Variants in FGFR1OP2 observed in about 807,000 individuals in gnomAD.
The protein encoded by FGFR1OP2 is fibroblast growth factor receptor 1 oncogene partner 2.
FGFR1OP2 carries 17 observed loss-of-function variants against 35.2 expected under a neutral mutation model. That is an observed-to-expected ratio of 0.48 (90% CI 0.33 to 0.73). FGFR1OP2 has a LOEUF of 0.73. Ranked by LOEUF, FGFR1OP2 falls within the 30% of genes least tolerant of loss-of-function variation. FGFR1OP2 has a pLI of 0.02. For synonymous variants in FGFR1OP2, 105 were observed against 104.6 expected, an observed-to-expected ratio of 1.00 and a Z score of -0.03; for missense variants, 251 against 307.3, an observed-to-expected ratio of 0.82 and a Z score of 1.37.
chr12:26,951,708 G>C (rs1367406924), intron 1 of FGFR1OP2, among the ~76,000 whole-genome samples: 1 of 152,132 alleles, frequency 6.6e-6, no homozygotes. Context: ...TACTCAAAAA[G>C]ATTTATGATT....
At chr12:26,941,396 T>G (rs1183031103) in intron 1 of FGFR1OP2, among the ~76,000 whole-genome samples, 2 of 152,236 alleles carry the variant, frequency 1.3e-5, no homozygotes, top group Non-Finnish European at 2.9e-5. Context: ...TTTAAACTTT[T>G]GTGTGTGTGG....
At chr12:26,960,225 A>G (rs1206580680) in intron 4 of FGFR1OP2, among the ~76,000 whole-genome samples, 1 of 151,902 alleles carries the variant, frequency 6.6e-6, no homozygotes, top group Non-Finnish European at 1.5e-5. Flanking sequence ...AGAGTTACAC[A>G]TAACAGCATT....
intron 1 of FGFR1OP2, among the ~76,000 whole-genome samples, chr12:26,949,870 G>T (rs978866128): frequency 5.9e-5 from 9 of 152,040 alleles, no homozygotes; most frequent in Admixed American, 5.9e-4. Context: ...GTGAGCCACC[G>T]TGCCTGGCCC....
chr12:26,963,587 G>A, intron 6 of FGFR1OP2, 132 bp downstream of exon 6: 1 of 552,660 alleles, frequency 1.8e-6, no homozygotes, highest in Non-Finnish European at 3.1e-6. Context: ...CTGTCTATGT[G>A]GGCATATTAT....
In FGFR1OP2 at chr12:26,966,357, A is replaced by G. The variant is rs1413496613; in HGVS notation, c.*1624A>G. ...ATAAAGGAAATCTATTTCAAGCTAC[A>G]CCATTGAGATTAAGTCTGAGGCAGT... On this transcript the variant is annotated 3_prime_UTR_variant, in exon 7 of 7. Transcript: ENST00000229395. 1 of 152,130 alleles carries G rather than the reference A, an allele frequency of 6.6e-6. No individual in the cohort carries two copies. The highest frequency in any genetic ancestry group is 6.5e-5 in the Admixed American group (1 of 15,272). 9.4% of individuals were successfully genotyped at this position (152,130 alleles called of 1,614,324 possible).
At chr12:26,942,548 T>C (rs1938753322) in intron 1 of FGFR1OP2, among the ~76,000 whole-genome samples, 1 of 152,156 alleles carries the variant, frequency 6.6e-6, no homozygotes, top group South Asian at 2.1e-4. Flanking sequence ...GGCAAATAGG[T>C]GAAGCAATTT....
intron 4 of FGFR1OP2, among the ~76,000 whole-genome samples, chr12:26,959,021 A>G (rs1939064636): frequency 6.6e-6 from 1 of 152,108 alleles, no homozygotes; most frequent in East Asian, 1.9e-4. Flanking sequence ...TAGATTCTTT[A>G]AAATACTTCT....
At chr12:26,952,962 T>C (rs1035521965) in intron 1 of FGFR1OP2, among the ~76,000 whole-genome samples, 6 of 152,134 alleles carry the variant, frequency 3.9e-5, no homozygotes, top group Admixed American at 3.9e-4. Flanking sequence ...TAAAACTTAG[T>C]AGAAAGATAA....
At chr12:26,952,977 T>C (rs1037820603) in intron 1 of FGFR1OP2, among the ~76,000 whole-genome samples, 15 of 152,014 alleles carry the variant, frequency 9.9e-5, no homozygotes, top group East Asian at 3.8e-4. Flanking sequence ...AGATAAAAGA[T>C]TTCAGCTGGG....
chr12:26,939,315 A>T (rs989727725), intron 1 of FGFR1OP2, among the ~76,000 whole-genome samples: 2 of 146,380 alleles, frequency 1.4e-5, no homozygotes, highest in Non-Finnish European at 3.0e-5. Flanking sequence ...TAATCCTTCC[A>T]TAGAGTTATT....
In FGFR1OP2 at chr12:26,966,541, A is replaced by G. The variant is rs1478835417; in HGVS notation, c.*1808A>G. ...TTATTTAGTGACACATTTCCATCCT[A>G]TTTTTTTTTTTTTTTTGGTTGTTGT... On this transcript the variant is annotated 3_prime_UTR_variant, in exon 7 of 7. Coordinates refer to ENST00000229395, the MANE Select transcript of FGFR1OP2 (RefSeq NM_015633.3). 1 of 134,870 alleles carries G rather than the reference A, an allele frequency of 7.4e-6. No homozygotes were observed. The highest frequency in any genetic ancestry group is 2.3e-4 in the South Asian group (1 of 4,358). The allele number at this position is 134,870 out of a possible 1,614,324, so 8.4% of individuals were successfully genotyped here. A position where few individuals can be genotyped will look rare whatever the true frequency, so the allele number is the denominator to read the frequency against.
intron 1 of FGFR1OP2, among the ~76,000 whole-genome samples, chr12:26,949,333 A>T (rs1372972555): frequency 6.6e-6 from 1 of 151,934 alleles, no homozygotes; most frequent in East Asian, 1.9e-4. Flanking sequence ...ATGGGGTTTC[A>T]TCATGTTAGG....
Position 26,965,629 on chromosome 12 carries a change from CT to C in FGFR1OP2, c.*906del, listed in dbSNP as rs913580181. On this transcript the variant is annotated 3_prime_UTR_variant, in exon 7 of 7. Transcript: ENST00000229395. Reference sequence around the variant, plus strand: ...GGGAATTCCTCTGGCTCATAGAACCCTTTTTTTTTTCCTTTAAGTATTCTTG... The same window carrying C: ...GGGAATTCCTCTGGCTCATAGAACCCTTTTTTTTTCCTTTAAGTATTCTTG... The C allele has an allele frequency of 6.6e-3, 942 of 143,514 alleles. 10 individuals carry two copies. Among genetic ancestry groups the C allele is most frequent in the African/African-American group, 0.023 (893 of 39,198 alleles). The allele number at this position is 143,514 out of a possible 1,614,324, so 8.9% of individuals were successfully genotyped here.
intron 1 of FGFR1OP2, among the ~76,000 whole-genome samples, chr12:26,944,708 T>G (rs909709058): frequency 6.6e-6 from 1 of 152,236 alleles, no homozygotes; most frequent in African/African-American, 2.4e-5. Flanking sequence ...TCAGTAATAC[T>G]GACATCAGTT....
At chr12:26,956,168 T>C (rs1939015987) in intron 2 of FGFR1OP2, among the ~76,000 whole-genome samples, 1 of 152,182 alleles carries the variant, frequency 6.6e-6, no homozygotes. Flanking sequence ...CAACAATGTA[T>C]GGAAGGTTGC....
intron 4 of FGFR1OP2, among the ~76,000 whole-genome samples, chr12:26,959,035 A>G (rs1939064969): frequency 6.6e-6 from 1 of 152,152 alleles, no homozygotes; most frequent in East Asian, 1.9e-4. Flanking sequence ...TACTTCTTCC[A>G]TTTTGGTGCT....
At chr12:26,947,054 A>C (rs979531273) in intron 1 of FGFR1OP2, among the ~76,000 whole-genome samples, 2 of 151,790 alleles carry the variant, frequency 1.3e-5, no homozygotes, top group Admixed American at 6.6e-5. Flanking sequence ...CTGTATGAAC[A>C]CATCATATTT....
At chr12:26,940,256 T>C (rs565618457) in intron 1 of FGFR1OP2, among the ~76,000 whole-genome samples, 53 of 152,374 alleles carry the variant, frequency 3.5e-4, no homozygotes, top group African/African-American at 1.3e-3. Context: ...GTGAAACTTA[T>C]ATTCAGCCAC....
At chr12:26,957,823 A>C in intron 4 of FGFR1OP2, 80 bp downstream of exon 4, 1 of 1,280,516 alleles carries the variant, frequency 7.8e-7, no homozygotes, top group South Asian at 1.8e-5. Flanking sequence ...TTTTGAAAAA[A>C]ATCACAGGTA....
Sources: allele counts gnomAD v4.1 joint callset (sites outside exome capture counted in the v4.1 genomes callset), GRCh38; gene constraint gnomAD v4.1.1; transcripts MANE v1.5; gene names NCBI Gene and HGNC (gene_info 2026-07-23, HGNC 2026-07-21).